The following ZPBP variants were observed in gnomAD, a reference collection of about 807,000 sequenced individuals.
The protein encoded by ZPBP is zona pellucida-binding protein 1.
In ZPBP, 26 loss-of-function variants were observed where a neutral mutation model predicts 44.8. That is an observed-to-expected ratio of 0.58 (90% confidence interval 0.43 to 0.81). The LOEUF is 0.81. Ranked by LOEUF, ZPBP falls within the 30% of genes least tolerant of loss-of-function variation. The probability of loss-of-function intolerance (pLI) is 0.00; values close to 1 mark genes in which losing one functional copy is unlikely to be tolerated. For missense variants in ZPBP, 409 were observed against 434.0 expected, an observed-to-expected ratio of 0.94 and a Z score of 0.51; for synonymous variants, 174 against 153.2, an observed-to-expected ratio of 1.14 and a Z score of -1.00.
chr7:49,971,994 C>A (rs974476417), intron 7 of ZPBP, among the ~76,000 whole-genome samples: 2 of 151,854 alleles, frequency 1.3e-5, no homozygotes, highest in African/African-American at 4.8e-5. Flanking sequence ...AAAAAAACTA[C>A]AAGCTCATGT....
intron 1 of ZPBP, chr7:49,916,393 C>G (rs142822445): frequency 2.0e-5 from 3 of 152,270 alleles, no homozygotes; most frequent in Non-Finnish European, 4.4e-5. Flanking sequence ...TCCTTTGCAG[C>G]ATGTTGAGTA....
chr7:50,022,737 A>G (rs1799154897), intron 5 of ZPBP, among the ~76,000 whole-genome samples: 1 of 152,094 alleles, frequency 6.6e-6, no homozygotes, highest in African/African-American at 2.4e-5. Context: ...GTCACTGGGA[A>G]AACTGCAGCT....
At chr7:50,026,158 A>G (rs887432728) in intron 5 of ZPBP, among the ~76,000 whole-genome samples, 5 of 151,996 alleles carry the variant, frequency 3.3e-5, no homozygotes, top group African/African-American at 1.2e-4. Flanking sequence ...CAAACATCAG[A>G]GAAAATAAAC....
At chr7:49,857,884 G>A (rs1210618537) in intron 2 of ZPBP, among the ~76,000 whole-genome samples, 1 of 152,204 alleles carries the variant, frequency 6.6e-6, no homozygotes, top group Admixed American at 6.5e-5. Flanking sequence ...AAGTGGTGGT[G>A]AGGGCATCTG....
intron 1 of ZPBP, among the ~76,000 whole-genome samples, chr7:50,090,647 G>GCA (rs910256016): frequency 2.1e-3 from 14 of 6,812 alleles, no homozygotes; most frequent in East Asian, 0.011. Context: ...ACACACACAT[G>GCA]CACACACACA....
chr7:49,876,732 A>G (rs1230806319), intron 2 of ZPBP, among the ~76,000 whole-genome samples: 3 of 152,064 alleles, frequency 2.0e-5, no homozygotes, highest in Non-Finnish European at 2.9e-5. Flanking sequence ...TCTGTATTCA[A>G]TCATTACCTG....
At chr7:50,032,317 C>T (rs978238140) in intron 4 of ZPBP, among the ~76,000 whole-genome samples, 4 of 152,062 alleles carry the variant, frequency 2.6e-5, no homozygotes, top group African/African-American at 9.7e-5. Context: ...ACAAATATCA[C>T]ATAGAATAAC....
intron 5 of ZPBP, among the ~76,000 whole-genome samples, chr7:50,025,424 G>A (rs1799278035): frequency 6.6e-6 from 1 of 151,802 alleles, no homozygotes; most frequent in South Asian, 2.1e-4. Context: ...TAGTACTGAT[G>A]AAAGAACAGA....
At chr7:50,048,764 C>T (rs755673781) in intron 4 of ZPBP, among the ~76,000 whole-genome samples, 6 of 151,452 alleles carry the variant, frequency 4.0e-5, no homozygotes, top group South Asian at 2.1e-4. Flanking sequence ...CTTTTATCTT[C>T]GGACAATGAA....
intron 6 of ZPBP, among the ~76,000 whole-genome samples, chr7:50,017,389 G>A (rs1388930378): frequency 1.3e-5 from 2 of 152,116 alleles, no homozygotes; most frequent in African/African-American, 4.8e-5. Flanking sequence ...ATGGGGATGG[G>A]GGACTATAAA....
intron 7 of ZPBP, among the ~76,000 whole-genome samples, chr7:49,947,308 C>A (rs1447783308): frequency 6.6e-6 from 1 of 152,124 alleles, no homozygotes; most frequent in African/African-American, 2.4e-5. Context: ...GTGGTCTTCG[C>A]AGTCTGGGCT....
chr7:49,982,292 ATATATATAATATATAAT>A (rs1388034312), intron 7 of ZPBP, among the ~76,000 whole-genome samples: 5,884 of 57,022 alleles, frequency 0.1, 211 homozygotes, highest in African/African-American at 0.13. Context: ...ATTATACATA[ATATATATAATATATAAT>A]TATATAATAT....
chr7:49,992,955 G>A (rs1183084467), intron 6 of ZPBP, among the ~76,000 whole-genome samples: 2 of 152,186 alleles, frequency 1.3e-5, no homozygotes, highest in East Asian at 3.9e-4. Context: ...AAAAGGAATA[G>A]AACTAAAATA....
chr7:50,048,882 A>G (rs1051806722), intron 4 of ZPBP, among the ~76,000 whole-genome samples: 5 of 152,060 alleles, frequency 3.3e-5, no homozygotes, highest in Non-Finnish European at 4.4e-5. Context: ...AGTGAAAATC[A>G]ATGAAACCAA....
chr7:49,953,426 A>G (rs1306050708), intron 7 of ZPBP, among the ~76,000 whole-genome samples: 1 of 152,138 alleles, frequency 6.6e-6, no homozygotes, highest in Non-Finnish European at 1.5e-5. Context: ...TGTTCCCAAC[A>G]GCCAGTATGA....
intron 2 of ZPBP, among the ~76,000 whole-genome samples, chr7:49,892,952 C>T (rs557811872): frequency 1.5e-5 from 1 of 67,976 alleles, no homozygotes; most frequent in Non-Finnish European, 3.4e-5. Flanking sequence ...AATGAAGAAT[C>T]CTCACTTAAG....
intron 1 of ZPBP, among the ~76,000 whole-genome samples, chr7:49,924,908 A>G (rs1794174727): frequency 6.6e-6 from 1 of 152,202 alleles, no homozygotes; most frequent in African/African-American, 2.4e-5. Flanking sequence ...ACCAACAGGC[A>G]CCGACCATAA....
intron 7 of ZPBP, among the ~76,000 whole-genome samples, chr7:49,950,006 T>TAG (rs989783394): frequency 2.6e-5 from 4 of 151,878 alleles, no homozygotes; most frequent in African/African-American, 9.7e-5. Context: ...GACCCAATAT[T>TAG]AGATAAAGAC....
At chr7:49,911,959 T>C in intron 1 of ZPBP, 3 of 555,438 alleles carry the variant, frequency 5.4e-6, no homozygotes, top group Non-Finnish European at 7.6e-6. Flanking sequence ...ATATATACTG[T>C]AATGCTTAAT....
Sources: gnomAD v4.1 joint callset for allele counts (sites outside exome capture counted in the v4.1 genomes callset) on GRCh38, gnomAD v4.1.1 for gene constraint, MANE v1.5 for transcripts, NCBI Gene and HGNC (gene_info 2026-07-23, HGNC 2026-07-21) for gene names.